Variants in ZNF106 observed in about 807,000 individuals in gnomAD.
ZNF106 encodes SH3-domain binding protein 3.
A neutral mutation model predicts 195.1 loss-of-function variants in ZNF106; 67 were observed. The observed-to-expected ratio is 0.34, with a 90% CI of 0.28 to 0.42. The LOEUF is 0.42. Ranked by LOEUF, ZNF106 falls within the 10% of genes least tolerant of loss-of-function variation. The pLI is 1.00. For missense variants in ZNF106, 2,118 were observed against 2,304.5 expected, an observed-to-expected ratio of 0.92 and a Z score of 1.66; for synonymous variants, 784 against 818.6, an observed-to-expected ratio of 0.96 and a Z score of 0.72.
chr15:42,441,773 A>G (rs985415372), intron 10 of ZNF106: 12 of 216,232 alleles, frequency 5.5e-5, no homozygotes, highest in African/African-American at 2.8e-4. Flanking sequence ...CTTCAACCCC[A>G]TTTATTTCAC....
At chr15:42,483,899 A>G (rs547655558) in intron 1 of ZNF106, among the ~76,000 whole-genome samples, 1 of 152,290 alleles carries the variant, frequency 6.6e-6, no homozygotes. Flanking sequence ...TCAGTTGCCT[A>G]GGAAAGCACT....
rs556000251 is a variant in ZNF106, at chr15:42,417,744, C to G, written c.5664+61G>C. ...AATTCTCAATAATAAAAAAGGTTTG[C>G]TAGCCCCTGCTCTGAGCAGTCTACT... On this transcript the variant is annotated intron_variant, in intron 21 of 21. Coordinates refer to ENST00000564754, the MANE Select transcript of ZNF106 (RefSeq NM_001366845.3). 4.9e-4 allele frequency: 741 copies of G among 1,500,534 alleles called. 1 individual carries two copies. Among genetic ancestry groups the G allele is most frequent in the Non-Finnish European group, 6.1e-4 (688 of 1,126,716 alleles). The allele number at this position is 1,500,534 out of a possible 1,614,324, so 93.0% of individuals were successfully genotyped here.
chr15:42,431,211 C>T (rs761202943), intron 14 of ZNF106, among the ~76,000 whole-genome samples: 1 of 151,860 alleles, frequency 6.6e-6, no homozygotes, highest in African/African-American at 2.4e-5. Context: ...GGTTAGAGAA[C>T]ATACTTTGTA....
intron 10 of ZNF106, 112 bp downstream of exon 10, chr15:42,441,961 G>T: frequency 1.3e-6 from 1 of 754,902 alleles, no homozygotes. Flanking sequence ...TGACAAATTA[G>T]TTGTACTTGC....
At chr15:42,434,768 CTTT>C (rs536454605) in intron 14 of ZNF106, among the ~76,000 whole-genome samples, 3 of 134,800 alleles carry the variant, frequency 2.2e-5, no homozygotes, top group African/African-American at 5.5e-5. Flanking sequence ...ACATTTTGCT[CTTT>C]TTTTTTTTTT....
At chr15:42,439,915 C>T (rs1396410784) in intron 10 of ZNF106, 102 bp from the exon 11 acceptor site, 1 of 1,259,292 alleles carries the variant, frequency 7.9e-7, no homozygotes, top group East Asian at 2.6e-5. Flanking sequence ...GTTCAGAAAA[C>T]CATGACTGTT....
Position 42,450,812 on chromosome 15 carries a change from G to T in ZNF106, c.1460C>A (p.Ser487Tyr), listed in dbSNP as rs934390551. The change falls in exon 5 of 22, where the codon TCT becomes TAT. Residue 487 changes from serine to tyrosine, a missense_variant. Coordinates refer to ENST00000564754, the MANE Select transcript of ZNF106 (RefSeq NM_001366845.3). The stretch of plus-strand genomic sequence containing the variant: ...GATATTCTTTGGATCTTGCTTTTGA[G>T]ACAATGATTTAGTGGCTGGACATGG... The part of the protein sequence containing the change: ...LLPCPATKSL[S>Y]QKQDPKNISK... 3 of 1,614,076 alleles carry T rather than the reference G, an allele frequency of 1.9e-6. No homozygotes were observed. The African/African-American group carries it at 4.0e-5, about 22-fold the overall frequency.
intron 1 of ZNF106, among the ~76,000 whole-genome samples, chr15:42,481,354 G>GTTTT (rs1376284600): frequency 1.1e-5 from 1 of 94,326 alleles, no homozygotes; most frequent in Non-Finnish European, 2.1e-5. Flanking sequence ...TTTTTTTTTT[G>GTTTT]TTGTTTTTTT....
chr15:42,481,360 T>G (rs201589610), intron 1 of ZNF106, among the ~76,000 whole-genome samples: 3,640 of 110,840 alleles, frequency 0.033, 87 homozygotes, highest in African/African-American at 0.2. Context: ...TTTTGTTGTT[T>G]TTTTTTTTTT....
At chr15:42,481,191 T>C (rs1215715330) in intron 1 of ZNF106, among the ~76,000 whole-genome samples, 1 of 152,128 alleles carries the variant, frequency 6.6e-6, no homozygotes, top group Non-Finnish European at 1.5e-5. Context: ...CCCAGATATT[T>C]ACAAGTTCTA....
chr15:42,442,389 T>G lies in ZNF106; in HGVS notation c.3447A>C (p.Pro1149=). 6.2e-7 allele frequency: 1 copy of G among 1,613,682 alleles called. No homozygotes were observed. Among genetic ancestry groups the G allele is most frequent in the Non-Finnish European group, 8.5e-7 (1 of 1,179,626 alleles). ...LQETYEPSEH[P]DQVPCSLTRE... The stretch of plus-strand genomic sequence containing the variant: ...GTGTGAGGCTACAGGGAACCTGGTC[T>G]GGGTGCTCAGAAGGTTCATATGTTT... The change falls in exon 10 of 22, where the codon CCA becomes CCC. Residue 1149 remains proline, a synonymous_variant. Coordinates refer to ENST00000564754, the MANE Select transcript of ZNF106 (RefSeq NM_001366845.3).
rs1303354128 is a variant in ZNF106, at chr15:42,447,605, T to C, written c.3135+467A>G. Reference sequence around the variant, plus strand: ...AGGACAGAGTTACACAGACTAAAAATATTTCTATACTCTGCTCATATATAT... The same window carrying C: ...AGGACAGAGTTACACAGACTAAAAACATTTCTATACTCTGCTCATATATAT... On this transcript the variant is annotated intron_variant, in intron 6 of 21. Transcript: ENST00000564754. 2.0e-5 allele frequency among the ~76,000 whole-genome samples: 3 copies of C among 152,272 alleles called. No individual in the cohort carries two copies. The East Asian group carries it at 5.8e-4, about 29-fold the overall frequency.
At chr15:42,453,867 T>C (rs931323063) in intron 4 of ZNF106, among the ~76,000 whole-genome samples, 3 of 152,208 alleles carry the variant, frequency 2.0e-5, no homozygotes. Flanking sequence ...GTGCTGGGAT[T>C]ACAGGCATGG....
At chr15:42,456,148 G>A (rs1248065843) in intron 4 of ZNF106, among the ~76,000 whole-genome samples, 1 of 152,124 alleles carries the variant, frequency 6.6e-6, no homozygotes, top group Non-Finnish European at 1.5e-5. Flanking sequence ...TTTGGCAGAA[G>A]CAACACGTTA....
intron 10 of ZNF106, among the ~76,000 whole-genome samples, chr15:42,440,955 C>A (rs1249292633): frequency 7.7e-6 from 1 of 129,266 alleles, no homozygotes; most frequent in Non-Finnish European, 1.6e-5. Flanking sequence ...TGCACACCAG[C>A]CTGGGCAACA....
At chr15:42,432,784 C>T (rs2055101693) in intron 14 of ZNF106, among the ~76,000 whole-genome samples, 1 of 151,612 alleles carries the variant, frequency 6.6e-6, no homozygotes, top group African/African-American at 2.4e-5. Flanking sequence ...ACTCGGGAGG[C>T]TGAGGCGGAA....
At chr15:42,461,799 C>T (rs2056397397) in intron 3 of ZNF106, among the ~76,000 whole-genome samples, 2 of 152,110 alleles carry the variant, frequency 1.3e-5, no homozygotes, top group Non-Finnish European at 2.9e-5. Context: ...AAATGAAATC[C>T]AGAGGAAATA....
At chr15:42,432,303 TAC>T (rs1246878525) in intron 14 of ZNF106, among the ~76,000 whole-genome samples, 1 of 151,790 alleles carries the variant, frequency 6.6e-6, no homozygotes, top group Non-Finnish European at 1.5e-5. Context: ...GGACTACAGG[TAC>T]ATATAACCAC....
At chr15:42,475,491 G>A (rs1310100837) in intron 1 of ZNF106, among the ~76,000 whole-genome samples, 6 of 151,968 alleles carry the variant, frequency 3.9e-5, no homozygotes, top group Non-Finnish European at 5.9e-5. Flanking sequence ...TAAGATTATC[G>A]GGTAAAAATA....
Sources: allele counts gnomAD v4.1 joint callset (sites outside exome capture counted in the v4.1 genomes callset), GRCh38; gene constraint gnomAD v4.1.1; transcripts MANE v1.5; gene names NCBI Gene and HGNC (gene_info 2026-07-23, HGNC 2026-07-21).